Variants in CCDC81 observed in about 807,000 individuals in gnomAD.
The protein encoded by CCDC81 is coiled-coil domain-containing protein 81.
In CCDC81, 79 loss-of-function variants were observed where a neutral mutation model predicts 83.7. That is an observed-to-expected ratio of 0.94 (90% CI 0.79 to 1.14). The LOEUF is 1.14. Among genes scored for constraint, CCDC81 ranks in the 50% most tolerant of loss-of-function variants. CCDC81 has a pLI of 0.00. For synonymous variants in CCDC81, 252 were observed against 278.1 expected (o/e 0.91, Z 0.93); for missense variants, 791 against 778.1 (o/e 1.02, Z -0.20).
At chr11:86,419,825 A>C in intron 13 of CCDC81, 103 bp from the exon 14 acceptor site, 1 of 1,316,080 alleles carries the variant, frequency 7.6e-7, no homozygotes, top group Non-Finnish European at 1.0e-6. Context: ...GTAGTGAACA[A>C]AACCAGAAGG....
At chr11:86,410,149 C>CT (rs1948622195) in intron 10 of CCDC81, among the ~76,000 whole-genome samples, 1 of 152,234 alleles carries the variant, frequency 6.6e-6, no homozygotes, top group Non-Finnish European at 1.5e-5. Context: ...AACTGCTTCA[C>CT]TGCTTGTTTT....
chr11:86,388,582 T>G (rs981962837), intron 3 of CCDC81, among the ~76,000 whole-genome samples: 1 of 152,224 alleles, frequency 6.6e-6, no homozygotes, highest in African/African-American at 2.4e-5. Flanking sequence ...TTGAGTAACT[T>G]TCTACTTTCA....
chr11:86,405,369 G>A (rs1208089534), intron 7 of CCDC81, among the ~76,000 whole-genome samples: 1 of 152,046 alleles, frequency 6.6e-6, no homozygotes, highest in African/African-American at 2.4e-5. Flanking sequence ...GAATTTTTGT[G>A]TGTGTTTTAT....
At chr11:86,392,116 A>G (rs1948338873) in intron 3 of CCDC81, among the ~76,000 whole-genome samples, 1 of 152,214 alleles carries the variant, frequency 6.6e-6, no homozygotes, top group South Asian at 2.1e-4. Flanking sequence ...TGGGGAATAC[A>G]ATTCAACATG....
At chr11:86,377,405 T>C (rs180788165) in intron 1 of CCDC81, among the ~76,000 whole-genome samples, 26 of 152,352 alleles carry the variant, frequency 1.7e-4, no homozygotes, top group Non-Finnish European at 2.8e-4. Flanking sequence ...CTGTACTATG[T>C]TGCATTCCCA....
chr11:86,388,628 A>G (rs1948281508), intron 3 of CCDC81, among the ~76,000 whole-genome samples: 1 of 152,152 alleles, frequency 6.6e-6, no homozygotes, highest in Non-Finnish European at 1.5e-5. Context: ...ATGTCAACAA[A>G]CCATACTTAG....
chr11:86,379,819 A>G (rs917495513), intron 1 of CCDC81, among the ~76,000 whole-genome samples: 1 of 152,076 alleles, frequency 6.6e-6, no homozygotes, highest in Non-Finnish European at 1.5e-5. Flanking sequence ...TGTACAAAAA[A>G]TTAAAACCAA....
At chr11:86,386,883 C>A (rs1294549131) in intron 2 of CCDC81, among the ~76,000 whole-genome samples, 1 of 152,174 alleles carries the variant, frequency 6.6e-6, no homozygotes, top group Non-Finnish European at 1.5e-5. Flanking sequence ...CCCCTTTAGA[C>A]GGGGTGTGCA....
chr11:86,389,438 A>T (rs1390308789), intron 3 of CCDC81, among the ~76,000 whole-genome samples: 1 of 152,110 alleles, frequency 6.6e-6, no homozygotes, highest in Non-Finnish European at 1.5e-5. Context: ...GGCTTAATTG[A>T]CTCATAGTTC....
At chr11:86,393,283 G>A (rs1225172578) in intron 4 of CCDC81, among the ~76,000 whole-genome samples, 1 of 152,122 alleles carries the variant, frequency 6.6e-6, no homozygotes, top group Non-Finnish European at 1.5e-5. Flanking sequence ...GGCTGGTCTC[G>A]AACTCCTGGT....
intron 14 of CCDC81, 145 bp from the exon 15 acceptor site, chr11:86,422,429 G>A (rs1464558453): frequency 1.4e-5 from 9 of 648,656 alleles, no homozygotes; most frequent in Non-Finnish European, 2.1e-5. Context: ...AGCAGGGGAT[G>A]CCAGGATGGG....
chr11:86,414,830 A>G lies in CCDC81; in HGVS notation c.1433A>G (p.Glu478Gly). Residue 478 changes from glutamate to glycine, a missense_variant, in exon 12 of 15, where the codon GAA (glutamate) becomes GGA (glycine). Physicochemically the swap from Glu to Gly is moderately conservative, Grantham distance 98. Transcript: ENST00000445632. ...GCGAAATTTTTAAAAGATAAGATGG[A>G]AGAAACACAGTGTTACAAGAGAGCT... ...QRAKFLKDKM[E>G]ETQCYKRALD... 2 of 1,612,188 alleles carry G rather than the reference A, an allele frequency of 1.2e-6. No homozygotes were observed. The highest frequency in any genetic ancestry group is 2.2e-5 in the East Asian group (1 of 44,878).
At chr11:86,402,360 C>T (rs1219002146) in intron 7 of CCDC81, among the ~76,000 whole-genome samples, 1 of 152,016 alleles carries the variant, frequency 6.6e-6, no homozygotes, top group Non-Finnish European at 1.5e-5. Flanking sequence ...GGAATATACA[C>T]AGTTTTTAAA....
chr11:86,400,363 T>C (rs928072293), intron 6 of CCDC81, among the ~76,000 whole-genome samples: 3 of 152,198 alleles, frequency 2.0e-5, no homozygotes, highest in African/African-American at 4.8e-5. Flanking sequence ...TCTACAGATA[T>C]CAAAGTTGTA....
chr11:86,414,879 G>A lies in CCDC81; in HGVS notation c.1470+12G>A, dbSNP rs1429484650. The A allele has an allele frequency of 6.3e-7, 1 of 1,583,202 alleles. No individual in the cohort carries two copies. The highest frequency in any genetic ancestry group is 1.9e-5 in the Admixed American group (1 of 52,426). On this transcript the variant is annotated intron_variant, in intron 12 of 14. Transcript: ENST00000445632. The stretch of plus-strand genomic sequence containing the variant: ...CTTTGGATGCACAGGTAAGGGGACA[G>A]ACAAATATTATTTTTAAAATTATGC...
chr11:86,415,025 A>C, intron 12 of CCDC81, 68 bp from the exon 13 acceptor site: 5 of 1,544,222 alleles, frequency 3.2e-6, no homozygotes, highest in Non-Finnish European at 3.6e-6. Context: ...TTACCACATT[A>C]CAGGGTTGTG....
intron 3 of CCDC81, among the ~76,000 whole-genome samples, chr11:86,390,369 C>T (rs1948310468): frequency 6.6e-6 from 1 of 151,974 alleles, no homozygotes. Context: ...ATGGCTGAGG[C>T]ATATGATTGT....
intron 6 of CCDC81, among the ~76,000 whole-genome samples, chr11:86,398,254 G>T (rs926892423): frequency 6.6e-6 from 1 of 152,138 alleles, no homozygotes; most frequent in African/African-American, 2.4e-5. Context: ...CAGGCTCTTA[G>T]ATCATCATCT....
chr11:86,418,464 C>T (rs544462927), intron 13 of CCDC81, among the ~76,000 whole-genome samples: 25 of 152,062 alleles, frequency 1.6e-4, no homozygotes, highest in Non-Finnish European at 2.4e-4. Flanking sequence ...AGGTGTCCAC[C>T]GACAGATGAA....
Sources: allele counts gnomAD v4.1 joint callset (sites outside exome capture counted in the v4.1 genomes callset), GRCh38; gene constraint gnomAD v4.1.1; transcripts MANE v1.5; gene names NCBI Gene and HGNC (gene_info 2026-07-23, HGNC 2026-07-21).